The following LGR6 variants were observed in gnomAD, a reference collection of about 807,000 sequenced individuals.
LGR6 encodes the protein leucine rich repeat containing G protein-coupled receptor 6, also known as leucine-rich repeat-containing G protein-coupled receptor 6.
A neutral mutation model predicts 69.4 loss-of-function variants in LGR6; 45 were observed. The observed-to-expected ratio is 0.65, with a 90% CI of 0.51 to 0.83. The LOEUF is 0.83. Among genes scored for constraint, LGR6 ranks in the 40% least tolerant of loss-of-function variants. LGR6 has a pLI of 0.00. For missense variants in LGR6, 1,108 were observed against 1,246.7 expected, an observed-to-expected ratio of 0.89 and a Z score of 1.68; for synonymous variants, 538 against 555.0, an observed-to-expected ratio of 0.97 and a Z score of 0.43.
At chr1:202,242,467 T>A (rs985287330) in intron 4 of LGR6, among the ~76,000 whole-genome samples, 15 of 152,054 alleles carry the variant, frequency 9.9e-5, no homozygotes, top group Non-Finnish European at 2.1e-4. Context: ...AATGAGAGAG[T>A]CCAGTGGGAT....
intron 1 of LGR6, chr1:202,196,964 A>C (rs879421708): frequency 2.5e-5 from 13 of 518,718 alleles, no homozygotes; most frequent in Admixed American, 4.1e-5. Context: ...GAGAGTGGGG[A>C]CTTAGGTCCT....
At chr1:202,276,236 C>G in intron 4 of LGR6, 70 bp from the exon 5 acceptor site, 9 of 1,345,874 alleles carry the variant, frequency 6.7e-6, no homozygotes, top group Non-Finnish European at 9.4e-6. Flanking sequence ...CCTGGCTGGC[C>G]CAGTCTAGCC....
intron 16 of LGR6, 79 bp from the exon 17 acceptor site, chr1:202,314,723 G>A (rs1168841276): frequency 2.1e-6 from 2 of 968,840 alleles, no homozygotes; most frequent in Non-Finnish European, 1.7e-6. Flanking sequence ...ACATCTTAAA[G>A]GAGGGGGCAT....
At chr1:202,251,376 T>G (rs1420632501) in intron 4 of LGR6, among the ~76,000 whole-genome samples, 2 of 152,184 alleles carry the variant, frequency 1.3e-5, no homozygotes, top group African/African-American at 2.4e-5. Flanking sequence ...ACCTGCTATA[T>G]GAGGATGATC....
At chr1:202,201,313 A>G (rs1658827427) in intron 1 of LGR6, among the ~76,000 whole-genome samples, 1 of 152,194 alleles carries the variant, frequency 6.6e-6, no homozygotes, top group Admixed American at 6.5e-5. Flanking sequence ...GTTCAGAGAG[A>G]CATACATAGG....
At position 202,225,219 on chromosome 1, in the gene LGR6, A is replaced by G. The variant is rs535454696; in HGVS notation, c.213-204A>G. On this transcript the variant is annotated intron_variant, in intron 1 of 17. Coordinates refer to ENST00000367278, the MANE Select transcript of LGR6 (RefSeq NM_001017403.2). ...ACCATATAGAGAGAATCACCAAATG[A>G]CCCGGGAGGCCTGACTCCCAGCTCA... The G allele has an allele frequency of 7.6e-6, 4 of 523,552 alleles. No individual in the cohort carries two copies. The Middle Eastern group carries it at 1.7e-3, about 216-fold the overall frequency. 32.4% of individuals were successfully genotyped at this position (523,552 alleles called of 1,614,324 possible). A position where few individuals can be genotyped will look rare whatever the true frequency, so the allele number is the denominator to read the frequency against.
At chr1:202,286,873 T>A (rs1366853340) in intron 6 of LGR6, among the ~76,000 whole-genome samples, 1 of 152,216 alleles carries the variant, frequency 6.6e-6, no homozygotes, top group Non-Finnish European at 1.5e-5. Flanking sequence ...ACATTCCTTT[T>A]CCCATTGCCC....
intron 1 of LGR6, chr1:202,214,230 G>T (rs1373591758): frequency 7.3e-7 from 1 of 1,363,862 alleles, no homozygotes; most frequent in African/African-American, 2.0e-5. Flanking sequence ...ACGGCGCGGT[G>T]CGCCCAGGTA....
chr1:202,247,763 T>C (rs1157306558), intron 4 of LGR6, among the ~76,000 whole-genome samples: 1 of 152,172 alleles, frequency 6.6e-6, no homozygotes, highest in Non-Finnish European at 1.5e-5. Flanking sequence ...CAGGAGAAAG[T>C]GTATGACGAT....
chr1:202,247,853 G>C (rs1662855213), intron 4 of LGR6, among the ~76,000 whole-genome samples: 2 of 152,176 alleles, frequency 1.3e-5, no homozygotes, highest in Admixed American at 1.3e-4. Context: ...TCAGGCTGCA[G>C]CCAGGAAGAG....
chr1:202,277,311 G>C (rs1453445917), intron 5 of LGR6, among the ~76,000 whole-genome samples: 2 of 152,152 alleles, frequency 1.3e-5, no homozygotes, highest in African/African-American at 2.4e-5. Flanking sequence ...ATGATACCTA[G>C]TTCCATTTGA....
chr1:202,297,095 C>A (rs1163390022), intron 6 of LGR6, among the ~76,000 whole-genome samples: 2 of 152,158 alleles, frequency 1.3e-5, no homozygotes, highest in African/African-American at 2.4e-5. Flanking sequence ...CGGATGGAGA[C>A]CACAGTGGTC....
intron 4 of LGR6, among the ~76,000 whole-genome samples, chr1:202,251,383 G>C (rs772631238): frequency 2.0e-5 from 3 of 152,252 alleles, no homozygotes; most frequent in Non-Finnish European, 2.9e-5. Context: ...ATATGAGGAT[G>C]ATCTATGTCC....
intron 1 of LGR6, among the ~76,000 whole-genome samples, chr1:202,222,337 C>T (rs915509584): frequency 4.1e-5 from 6 of 146,834 alleles, no homozygotes; most frequent in Non-Finnish European, 6.0e-5. Flanking sequence ...GATGTGGGGG[C>T]GGGTGGAGGG....
In LGR6 at chr1:202,300,884, A is replaced by G; in HGVS notation, c.821A>G (p.Glu274Gly). 1 of 1,612,458 alleles carries G rather than the reference A, an allele frequency of 6.2e-7. No homozygotes were observed. The highest frequency in any genetic ancestry group is 8.5e-7 in the Non-Finnish European group (1 of 1,179,288). The change falls in exon 8 of 18, where the codon GAA (glutamate) becomes GGA (glycine). Residue 274 changes from glutamate to glycine, a missense_variant. Physicochemically the swap from Glu to Gly is moderately conservative, Grantham distance 98. Transcript: ENST00000367278. ...FHNNNIKAIP[E>G]KAFMGNPLLQ... is the part of the protein sequence containing the mutation. ...AACAACAACATCAAGGCCATCCCAGAAAAGGCCTTCATGGGGAACCCTCTG... is the reference window on the plus strand; with the variant it reads ...AACAACAACATCAAGGCCATCCCAGGAAAGGCCTTCATGGGGAACCCTCTG...
In LGR6 at chr1:202,319,024, A is replaced by G. The variant is rs1052409573; in HGVS notation, c.2721A>G (p.Pro907=). Residue 907 remains proline (P), a synonymous_variant, in exon 18 of 18, where the codon CCA becomes CCG. Transcript: ENST00000367278. ...PSVTLISCQQ[P]GAPRLEGSHC... ...TGACCCTCATCTCCTGTCAGCAGCC[A>G]GGGGCCCCCAGGCTGGAGGGCAGCC... is the stretch of plus-strand genomic sequence containing the variant. 5.6e-6 allele frequency: 9 copies of G among 1,614,038 alleles called. No individual in the cohort carries two copies. The highest frequency in any genetic ancestry group is 6.8e-6 in the Non-Finnish European group (8 of 1,179,964).
At chr1:202,221,026 C>T (rs952558165) in intron 1 of LGR6, among the ~76,000 whole-genome samples, 2 of 152,132 alleles carry the variant, frequency 1.3e-5, no homozygotes, top group African/African-American at 4.8e-5. Context: ...TGGCCTTTTC[C>T]TGGCTGCAGA....
chr1:202,271,932 G>T (rs1010194099), intron 4 of LGR6, among the ~76,000 whole-genome samples: 7 of 152,020 alleles, frequency 4.6e-5, no homozygotes, highest in African/African-American at 7.3e-5. Context: ...TCCCTCTAAG[G>T]GGGTGTTTGT....
chr1:202,234,555 T>C (rs545051654), intron 3 of LGR6, among the ~76,000 whole-genome samples: 3 of 152,286 alleles, frequency 2.0e-5, no homozygotes, highest in South Asian at 2.1e-4. Context: ...ACCACTATGA[T>C]AGATGCTGTG....
Sources: allele counts gnomAD v4.1 joint callset (sites outside exome capture counted in the v4.1 genomes callset), GRCh38; gene constraint gnomAD v4.1.1; transcripts MANE v1.5; gene names NCBI Gene and HGNC (gene_info 2026-07-23, HGNC 2026-07-21).